NXPE4: variants seen among roughly 807,000 people sequenced by gnomAD.
NXPE4 encodes the protein neurexophilin and PC-esterase domain family member 4.
Under a neutral mutation model 33.3 loss-of-function variants are expected in NXPE4, and 42 were observed. The ratio of observed to expected loss-of-function variants is 1.26; its 90% CI spans 0.98 to 1.63. The LOEUF is 1.63. NXPE4 is among the 40% of genes most tolerant of loss of function. The pLI is 0.00. For missense variants in NXPE4, 709 were observed against 647.6 expected, an observed-to-expected ratio of 1.09 and a Z score of -1.03; for synonymous variants, 253 against 234.9, an observed-to-expected ratio of 1.08 and a Z score of -0.71.
chr11:114,614,583 G>A, the NXPE4 span, among the ~76,000 whole-genome samples: 10 of 151,200 alleles, frequency 6.6e-5, no homozygotes, highest in East Asian at 5.9e-4. Context: ...ACTGTTACCC[G>A]GTGGATAGTA....
At chr11:114,668,475 C>G in the NXPE4 span, among the ~76,000 whole-genome samples, 7 of 151,914 alleles carry the variant, frequency 4.6e-5, no homozygotes, top group African/African-American at 1.7e-4. Context: ...AAATTTGTGA[C>G]AAGCACTATT....
chr11:114,653,525 T>G, the NXPE4 span, among the ~76,000 whole-genome samples: 78 of 140,880 alleles, frequency 5.5e-4, 1 homozygote, highest in Admixed American at 4.4e-3. Flanking sequence ...ACCCTTGTCC[T>G]GCTTTCCCTT....
the NXPE4 span, among the ~76,000 whole-genome samples, chr11:114,622,662 C>A: frequency 6.6e-6 from 1 of 151,798 alleles, no homozygotes; most frequent in Non-Finnish European, 1.5e-5. Flanking sequence ...ACCAGTGTTA[C>A]CCGGTGGATA....
chr11:114,662,846 G>C, the NXPE4 span, among the ~76,000 whole-genome samples: 5 of 152,278 alleles, frequency 3.3e-5, no homozygotes, highest in East Asian at 7.7e-4. Context: ...CCTGGCAACA[G>C]TTATCACCTG....
the NXPE4 span, among the ~76,000 whole-genome samples, chr11:114,611,715 C>A: frequency 6.6e-6 from 1 of 150,800 alleles, no homozygotes; most frequent in African/African-American, 2.4e-5. Flanking sequence ...GTTAGTATTG[C>A]CTTGTGGGTC....
chr11:114,675,719 T>C, the NXPE4 span, among the ~76,000 whole-genome samples: 1 of 151,904 alleles, frequency 6.6e-6, no homozygotes, highest in Admixed American at 6.6e-5. Flanking sequence ...AAAATTCCAA[T>C]GGACTTTCTA....
chr11:114,580,380 A>T (rs1176139615), intron 4 of NXPE4, 42 bp from the exon 5 acceptor site: 2 of 1,556,062 alleles, frequency 1.3e-6, no homozygotes, highest in South Asian at 2.2e-5. Flanking sequence ...AAAACATCAA[A>T]TTACCCGTCA....
the NXPE4 span, among the ~76,000 whole-genome samples, chr11:114,631,197 C>T: frequency 2.6e-5 from 4 of 152,002 alleles, 1 homozygote; most frequent in Admixed American, 6.6e-5. Flanking sequence ...GGCTATAAAT[C>T]ATGCTGCTAT....
At chr11:114,589,643 G>A (rs1949395377) in intron 2 of NXPE4, among the ~76,000 whole-genome samples, 1 of 152,160 alleles carries the variant, frequency 6.6e-6, no homozygotes, top group East Asian at 1.9e-4. Context: ...CAATCCAGAA[G>A]TCTGGGCAAC....
At chr11:114,647,465 G>A in the NXPE4 span, among the ~76,000 whole-genome samples, 1 of 152,072 alleles carries the variant, frequency 6.6e-6, no homozygotes, top group Non-Finnish European at 1.5e-5. Flanking sequence ...GGGGGACAAA[G>A]TCTTTACCAT....
the NXPE4 span, among the ~76,000 whole-genome samples, chr11:114,648,309 T>C: frequency 5.9e-5 from 9 of 152,108 alleles, no homozygotes; most frequent in South Asian, 1.5e-3. Context: ...AGCTGGTAGG[T>C]TGAAGGTCCA....
At chr11:114,671,822 C>T in the NXPE4 span, among the ~76,000 whole-genome samples, 3 of 151,924 alleles carry the variant, frequency 2.0e-5, no homozygotes, top group Non-Finnish European at 4.4e-5. Flanking sequence ...AAACAAGTGA[C>T]CACGGACAGT....
At chr11:114,648,365 C>G in the NXPE4 span, among the ~76,000 whole-genome samples, 167 of 152,168 alleles carry the variant, frequency 1.1e-3, no homozygotes, top group African/African-American at 3.9e-3. Context: ...GGACAAAAAC[C>G]CATATCTCAG....
the NXPE4 span, among the ~76,000 whole-genome samples, chr11:114,631,483 T>G: frequency 7.9e-6 from 1 of 126,236 alleles, no homozygotes; most frequent in Non-Finnish European, 1.6e-5. Flanking sequence ...TGAGAACACA[T>G]GGACACAGGA....
At chr11:114,575,952 A>G (rs1323632302) in intron 5 of NXPE4, among the ~76,000 whole-genome samples, 1 of 152,206 alleles carries the variant, frequency 6.6e-6, no homozygotes, top group Non-Finnish European at 1.5e-5. Flanking sequence ...TTCAAACTAT[A>G]CTATAAGGCC....
At chr11:114,630,465 G>C in the NXPE4 span, among the ~76,000 whole-genome samples, 5 of 151,758 alleles carry the variant, frequency 3.3e-5, no homozygotes, top group Admixed American at 2.6e-4. Flanking sequence ...AAACTGGCTA[G>C]CCATATGTAG....
At chr11:114,577,058 C>CGT (rs1565329256) in intron 5 of NXPE4, among the ~76,000 whole-genome samples, 120 of 29,928 alleles carry the variant, frequency 4.0e-3, no homozygotes, top group Non-Finnish European at 7.5e-3. Flanking sequence ...TATATATATA[C>CGT]ATATATATAT....
upstream of NXPE4, among the ~76,000 whole-genome samples, chr11:114,596,501 T>C (rs569432528): frequency 1.9e-4 from 29 of 152,338 alleles, no homozygotes; most frequent in African/African-American, 7.0e-4. Flanking sequence ...TTTAAAAAGA[T>C]GGAATCAAGA....
At chr11:114,605,285 T>A in the NXPE4 span, among the ~76,000 whole-genome samples, 8 of 152,072 alleles carry the variant, frequency 5.3e-5, no homozygotes, top group African/African-American at 1.7e-4. Context: ...ACCTGGTGGA[T>A]AATAAGTATT....
Sources: gnomAD v4.1 joint callset for allele counts (sites outside exome capture counted in the v4.1 genomes callset) on GRCh38, gnomAD v4.1.1 for gene constraint, MANE v1.5 for transcripts, NCBI Gene and HGNC (gene_info 2026-07-23, HGNC 2026-07-21) for gene names.